Variants in ARHGAP5 observed in about 807,000 individuals in gnomAD.
ARHGAP5 encodes rho GTPase-activating protein 5.
Under a neutral mutation model 116.6 loss-of-function variants are expected in ARHGAP5, and 23 were observed. The ratio of observed to expected loss-of-function variants is 0.20; its 90% CI spans 0.14 to 0.28. The LOEUF (loss-of-function observed/expected upper bound fraction) is 0.28, where lower values mean the gene tolerates loss of function less well. Ranked by LOEUF, ARHGAP5 falls within the 10% of genes least tolerant of loss-of-function variation. The pLI is 1.00. For missense variants in ARHGAP5, 1,405 were observed against 1,774.8 expected (o/e 0.79, Z 3.74); for synonymous variants, 574 against 602.0 (o/e 0.95, Z 0.68).
rs1483212431 is a variant in ARHGAP5, at chr14:32,077,421, G to A, written c.-183G>A. 1.8e-5 allele frequency: 13 copies of A among 706,402 alleles called. No homozygotes were observed. The East Asian group carries it at 3.5e-4, about 19-fold the overall frequency. 43.8% of individuals were successfully genotyped at this position (706,402 alleles called of 1,614,324 possible). The stretch of plus-strand genomic sequence containing the variant: ...CTGCCGTTGAGGAGGAGACGGAGGA[G>A]ACCGACGTTGTTAGGTAGGACCTTG... On this transcript the variant is annotated 5_prime_UTR_variant, in exon 1 of 7. Coordinates refer to ENST00000345122, the MANE Select transcript of ARHGAP5 (RefSeq NM_001030055.2).
At chr14:32,077,866 C>A (rs1266036120) in intron 1 of ARHGAP5, among the ~76,000 whole-genome samples, 2 of 152,102 alleles carry the variant, frequency 1.3e-5, no homozygotes, top group Non-Finnish European at 2.9e-5. Flanking sequence ...GGAAAGGGTA[C>A]ACGGGGCGGG....
chr14:32,100,286 G>C (rs996781538), intron 2 of ARHGAP5, among the ~76,000 whole-genome samples: 1 of 152,158 alleles, frequency 6.6e-6, no homozygotes, highest in African/African-American at 2.4e-5. Flanking sequence ...TGCAGTCTCA[G>C]ACCCCTGGGT....
In ARHGAP5 at chr14:32,140,418, A is replaced by G. The variant is rs989713910; in HGVS notation, c.3866-5845A>G. Among the ~76,000 whole-genome samples, 7 of 144,296 alleles carry G rather than the reference A, an allele frequency of 4.9e-5. No homozygotes were observed. In the East Asian group the frequency reaches 6.4e-4, roughly 13 times the overall value. 94.7% of individuals were successfully genotyped at this position (144,296 alleles called of 152,430 possible). A position where few individuals can be genotyped will look rare whatever the true frequency, so the allele number is the denominator to read the frequency against. On this transcript the variant is annotated intron_variant, in intron 3 of 6. Coordinates refer to ENST00000345122, the MANE Select transcript of ARHGAP5 (RefSeq NM_001030055.2). ...AACACGGTGAAACCCCGTCTCGACT[A>G]AAAATACAAAAAAAAAAAATTAGCC...
chr14:32,148,142 G>A (rs1183033308), intron 4 of ARHGAP5, among the ~76,000 whole-genome samples: 3 of 151,448 alleles, frequency 2.0e-5, no homozygotes, highest in Non-Finnish European at 4.4e-5. Context: ...GACAGAGCGA[G>A]ACTGCATCTC....
chr14:32,077,642 C>G (rs2138986180), intron 1 of ARHGAP5, among the ~76,000 whole-genome samples: 1 of 152,142 alleles, frequency 6.6e-6, no homozygotes, highest in African/African-American at 2.4e-5. Context: ...GGGATACGTT[C>G]GGCGTGAAGG....
intron 2 of ARHGAP5, among the ~76,000 whole-genome samples, chr14:32,105,681 T>C (rs1247989891): frequency 6.6e-6 from 1 of 152,216 alleles, no homozygotes; most frequent in Non-Finnish European, 1.5e-5. Flanking sequence ...TTCATGTGTA[T>C]AGGTTTGTGT....
intron 6 of ARHGAP5, chr14:32,154,212 G>A (rs1467996159): frequency 1.8e-5 from 3 of 166,522 alleles, no homozygotes; most frequent in African/African-American, 4.8e-5. Flanking sequence ...GTGCAATGGC[G>A]CGATCTCGGC....
At chr14:32,099,632 A>T (rs1427381897) in intron 2 of ARHGAP5, among the ~76,000 whole-genome samples, 5 of 152,234 alleles carry the variant, frequency 3.3e-5, no homozygotes. Flanking sequence ...AACGTACATC[A>T]GGCCTGAAAT....
chr14:32,152,147 G>A (rs905899758), intron 5 of ARHGAP5, among the ~76,000 whole-genome samples: 2 of 152,130 alleles, frequency 1.3e-5, no homozygotes, highest in African/African-American at 4.8e-5. Flanking sequence ...GGTTGTGCAC[G>A]TCTTATGAGA....
chr14:32,112,385 C>T (rs1420634493), intron 2 of ARHGAP5, among the ~76,000 whole-genome samples: 1 of 152,050 alleles, frequency 6.6e-6, no homozygotes, highest in Non-Finnish European at 1.5e-5. Context: ...TTTCTTCTTC[C>T]TAGTCATGTT....
chr14:32,098,206 A>G (rs753552305), intron 2 of ARHGAP5, among the ~76,000 whole-genome samples: 14 of 152,174 alleles, frequency 9.2e-5, no homozygotes, highest in Non-Finnish European at 4.4e-5. Flanking sequence ...TGCTCATTCT[A>G]TCATATAATA....
chr14:32,144,940 G>A (rs1881307699), intron 3 of ARHGAP5, among the ~76,000 whole-genome samples: 1 of 152,172 alleles, frequency 6.6e-6, no homozygotes, highest in African/African-American at 2.4e-5. Context: ...GTTGGTATCT[G>A]TTAAATGTCA....
chr14:32,094,425 C>T (rs766557921), intron 2 of ARHGAP5, 39 bp downstream of exon 2: 4 of 1,438,744 alleles, frequency 2.8e-6, no homozygotes, highest in Non-Finnish European at 3.7e-6. Flanking sequence ...TATAAAAATG[C>T]TTGTTGTTAC....
intron 2 of ARHGAP5, among the ~76,000 whole-genome samples, chr14:32,114,961 A>G (rs1057486608): frequency 2.0e-5 from 3 of 152,252 alleles, no homozygotes; most frequent in African/African-American, 2.4e-5. Context: ...AGTACGACAA[A>G]TATGACAAAT....
chr14:32,126,155 C>G (rs1880143045), intron 3 of ARHGAP5, among the ~76,000 whole-genome samples: 1 of 152,078 alleles, frequency 6.6e-6, no homozygotes, highest in African/African-American at 2.4e-5. Context: ...AGAGCACACG[C>G]TTGTCTTGTT....
intron 2 of ARHGAP5, among the ~76,000 whole-genome samples, chr14:32,106,830 T>A (rs1311539356): frequency 6.6e-6 from 1 of 152,208 alleles, no homozygotes; most frequent in Non-Finnish European, 1.5e-5. Flanking sequence ...TAATAGATAG[T>A]AAGCAGTAAA....
intron 1 of ARHGAP5, among the ~76,000 whole-genome samples, chr14:32,088,293 T>C (rs1167992916): frequency 1.3e-5 from 2 of 151,992 alleles, no homozygotes; most frequent in Non-Finnish European, 2.9e-5. Flanking sequence ...CTGTAAAAAT[T>C]CCCCGAAGTA....
chr14:32,116,209 C>A (rs1254892936), intron 2 of ARHGAP5, among the ~76,000 whole-genome samples: 1 of 150,424 alleles, frequency 6.6e-6, no homozygotes, highest in Non-Finnish European at 1.5e-5. Context: ...ATGACGTGAA[C>A]CTGGGAGGCG....
In ARHGAP5 at chr14:32,114,248, C is replaced by G. The variant is rs146900328; in HGVS notation, c.3718-2892C>G. On this transcript the variant is annotated intron_variant, in intron 2 of 6. Transcript: ENST00000345122. ...GTCTCAAAAAAAAAAAAAATCTACC[C>G]AAGTGTAATCTCTTTTACCACTGCA... Among the ~76,000 whole-genome samples the G allele has an allele frequency of 4.8e-3, 732 of 152,000 alleles. 12 individuals carry two copies. The highest frequency in any genetic ancestry group is 0.017 in the African/African-American group (716 of 41,426).
Sources: gnomAD v4.1 joint callset for allele counts (sites outside exome capture counted in the v4.1 genomes callset) on GRCh38, gnomAD v4.1.1 for gene constraint, MANE v1.5 for transcripts, NCBI Gene and HGNC (gene_info 2026-07-23, HGNC 2026-07-21) for gene names.